The following DIAPH3 variants were observed in gnomAD, a reference collection of about 807,000 sequenced individuals.
The protein encoded by DIAPH3 is diaphanous related formin 3.
Under a neutral mutation model 144.3 loss-of-function variants are expected in DIAPH3, and 117 were observed. The observed-to-expected ratio is 0.81, with a 90% CI of 0.70 to 0.95. The LOEUF is 0.95. Among genes scored for constraint, DIAPH3 ranks in the 40% least tolerant of loss-of-function variants. The pLI is 0.00. For synonymous variants in DIAPH3, 519 were observed against 488.9 expected, an observed-to-expected ratio of 1.06 and a Z score of -0.81; for missense variants, 1,421 against 1,412.7, an observed-to-expected ratio of 1.01 and a Z score of -0.09.
At chr13:60,147,177 G>A (rs892485391) in intron 1 of DIAPH3, 2 of 151,978 alleles carry the variant, frequency 1.3e-5, no homozygotes, top group African/African-American at 4.8e-5. Flanking sequence ...TGAAGAACTA[G>A]GAAAAAAAAT....
At chr13:59,930,157 A>G (rs190883574) in intron 17 of DIAPH3, among the ~76,000 whole-genome samples, 7 of 152,282 alleles carry the variant, frequency 4.6e-5, no homozygotes, top group African/African-American at 1.7e-4. Context: ...TTTTGTATAC[A>G]TGTTTTATAA....
intron 3 of DIAPH3, among the ~76,000 whole-genome samples, chr13:60,109,701 G>C (rs1274530432): frequency 6.6e-6 from 1 of 152,114 alleles, no homozygotes; most frequent in African/African-American, 2.4e-5. Context: ...AGCTCAGAGG[G>C]CTGATTTAAA....
At chr13:59,701,904 C>T (rs568012574) in intron 27 of DIAPH3, among the ~76,000 whole-genome samples, 1 of 152,278 alleles carries the variant, frequency 6.6e-6, no homozygotes, top group East Asian at 1.9e-4. Context: ...GAAAGTTTAG[C>T]GTTCCTTAAA....
intron 17 of DIAPH3, among the ~76,000 whole-genome samples, chr13:59,958,978 C>T (rs183229536): frequency 4.6e-4 from 68 of 148,958 alleles, no homozygotes; most frequent in Non-Finnish European, 8.3e-4. Context: ...CGGGTTCAAG[C>T]GATTATCCTG....
intron 24 of DIAPH3, among the ~76,000 whole-genome samples, chr13:59,828,612 C>G (rs996269067): frequency 2.8e-5 from 4 of 141,302 alleles, no homozygotes; most frequent in African/African-American, 7.9e-5. Context: ...AGTTATCTCA[C>G]CTGTCACATT....
rs371902789 is a variant in DIAPH3, at chr13:59,774,738, C to T, written c.3249G>A (p.Pro1083=). ...AAGTATAGGGTTCACCTTTTGGCAT[C>T]GGTGTCCTTTTTCTTCTGTCGCGGA... ...AAFRDRRKRT[P]MPKDVRQSLS... Residue 1083 remains proline, a synonymous_variant, in exon 26 of 28, where the codon CCG becomes CCA. Coordinates refer to ENST00000400324, the MANE Select transcript of DIAPH3 (RefSeq NM_001042517.2). 3.0e-5 allele frequency: 49 copies of T among 1,614,030 alleles called. No individual in the cohort carries two copies. The highest frequency in any genetic ancestry group is 1.2e-4 in the African/African-American group (9 of 75,036).
intron 2 of DIAPH3, among the ~76,000 whole-genome samples, chr13:60,120,846 C>A (rs1159183023): frequency 1.3e-5 from 2 of 152,116 alleles, no homozygotes; most frequent in Non-Finnish European, 2.9e-5. Flanking sequence ...AAAACAGAAC[C>A]ATACTGTAAG....
At chr13:59,876,847 T>C (rs1481235010) in intron 21 of DIAPH3, among the ~76,000 whole-genome samples, 1 of 152,182 alleles carries the variant, frequency 6.6e-6, no homozygotes, top group African/African-American at 2.4e-5. Context: ...AACTTTCCCC[T>C]ATCTTGCCCC....
chr13:59,867,063 TTATA>T (rs2043967755), intron 21 of DIAPH3, among the ~76,000 whole-genome samples: 2 of 147,960 alleles, frequency 1.4e-5, no homozygotes, highest in South Asian at 4.2e-4. Flanking sequence ...ATTTATTTAT[TTATA>T]TATATAAATA....
rs534687051 is a variant in DIAPH3, at chr13:59,762,167, C to G, written c.3319+12022G>C. ...TCTTCCTCCTGAGTTCAAGCGATTC[C>G]CCTGCCTCAGCCTCCGGACGAGTAG... is the stretch of plus-strand genomic sequence containing the variant. On this transcript the variant is annotated intron_variant, in intron 27 of 27. Transcript: ENST00000400324. 8.5e-4 allele frequency among the ~76,000 whole-genome samples: 127 copies of G among 149,860 alleles called. 1 individual carries two copies. The highest frequency in any genetic ancestry group is 1.7e-3 in the South Asian group (8 of 4,680).
chr13:59,989,431 A>G (rs1296913740), intron 12 of DIAPH3, among the ~76,000 whole-genome samples: 1 of 151,816 alleles, frequency 6.6e-6, no homozygotes, highest in African/African-American at 2.4e-5. Context: ...ACAATAATAA[A>G]TAGGAGAGTT....
chr13:59,698,255 T>C (rs1361099839), intron 27 of DIAPH3, among the ~76,000 whole-genome samples: 1 of 152,150 alleles, frequency 6.6e-6, no homozygotes, highest in African/African-American at 2.4e-5. Flanking sequence ...ATGAAGAAAA[T>C]TAAATAATTG....
intron 25 of DIAPH3, among the ~76,000 whole-genome samples, chr13:59,809,464 T>C (rs1259771359): frequency 6.7e-6 from 1 of 149,142 alleles, no homozygotes; most frequent in African/African-American, 2.5e-5. Flanking sequence ...ATCGCGCCAT[T>C]GCACTCCAGC....
At chr13:59,991,317 C>T in intron 11 of DIAPH3, 43 bp from the exon 12 acceptor site, 1 of 1,288,758 alleles carries the variant, frequency 7.8e-7, no homozygotes, top group Non-Finnish European at 1.1e-6. Flanking sequence ...ATACTCTACA[C>T]CAAACAACTA....
intron 17 of DIAPH3, among the ~76,000 whole-genome samples, chr13:59,944,029 T>G (rs568857408): frequency 9.9e-5 from 15 of 152,124 alleles, no homozygotes; most frequent in Non-Finnish European, 2.1e-4. Flanking sequence ...CTGGGCAACA[T>G]GGCAAGACCA....
intron 27 of DIAPH3, among the ~76,000 whole-genome samples, chr13:59,747,700 G>A (rs2139092019): frequency 6.6e-6 from 1 of 152,220 alleles, no homozygotes; most frequent in East Asian, 1.9e-4. Flanking sequence ...CTACTATAGA[G>A]GCACTCTCTC....
At chr13:59,970,322 G>A (rs1014066316) in intron 16 of DIAPH3, among the ~76,000 whole-genome samples, 6 of 152,132 alleles carry the variant, frequency 3.9e-5, no homozygotes, top group African/African-American at 1.4e-4. Flanking sequence ...ATTTCTCATA[G>A]TCTCTAATAA....
intron 21 of DIAPH3, among the ~76,000 whole-genome samples, chr13:59,861,777 GA>G (rs953380001): frequency 7.9e-5 from 12 of 152,048 alleles, no homozygotes; most frequent in African/African-American, 2.9e-4. Flanking sequence ...ATGTTTTATA[GA>G]AAAAAATATG....
At chr13:59,798,252 G>A (rs1479849604) in intron 25 of DIAPH3, among the ~76,000 whole-genome samples, 1 of 152,228 alleles carries the variant, frequency 6.6e-6, no homozygotes, top group East Asian at 1.9e-4. Context: ...AACACCCTCT[G>A]ATCCATCTGC....
Sources: gnomAD v4.1 joint callset for allele counts (sites outside exome capture counted in the v4.1 genomes callset) on GRCh38, gnomAD v4.1.1 for gene constraint, MANE v1.5 for transcripts, NCBI Gene and HGNC (gene_info 2026-07-23, HGNC 2026-07-21) for gene names.